The following RBFOX1 variants were observed in gnomAD, a reference collection of about 807,000 sequenced individuals.
RBFOX1 encodes RNA binding fox-1 homolog 1, also known as RNA binding protein fox-1 homolog 1.
In RBFOX1, 8 loss-of-function variants were observed where a neutral mutation model predicts 57.7. The observed-to-expected ratio is 0.14, with a 90% CI of 0.08 to 0.25. RBFOX1 has a LOEUF of 0.25. Ranked by LOEUF, RBFOX1 falls within the 10% of genes least tolerant of loss-of-function variation. The pLI is 1.00. For synonymous variants in RBFOX1, 326 were observed against 222.4 expected (o/e 1.47, Z -4.15); for missense variants, 611 against 548.5 (o/e 1.11, Z -1.14).
intron 3 of RBFOX1, among the ~76,000 whole-genome samples, chr16:5,774,028 C>T (rs9927934): frequency 0.27 from 41,690 of 152,086 alleles, 6,166 homozygotes; most frequent in East Asian, 0.55. Flanking sequence ...TGCCCATTTG[C>T]CCTCCACATA....
intron 4 of RBFOX1, among the ~76,000 whole-genome samples, chr16:7,395,515 C>G (rs2098125512): frequency 6.6e-6 from 1 of 152,148 alleles, no homozygotes; most frequent in African/African-American, 2.4e-5. Flanking sequence ...GGACGGAATA[C>G]TAAATCTCTT....
rs1003898074 is a variant in RBFOX1 at position 5,588,676 on chromosome 16, C to T, written c.259-10226C>T. 8.6e-4 allele frequency among the ~76,000 whole-genome samples: 131 copies of T among 152,046 alleles called. 1 individual carries two copies. Among genetic ancestry groups the T allele is most frequent in the African/African-American group, 2.8e-3 (116 of 41,380 alleles). Reference sequence around the variant, plus strand: ...TTGCAGACTTAGAGGGCTGGGAGGGCATTGAATTGGGAGAGGCATGAACCA... The same window carrying T: ...TTGCAGACTTAGAGGGCTGGGAGGGTATTGAATTGGGAGAGGCATGAACCA... On this transcript the variant is annotated intron_variant, in intron 2 of 2. Coordinates refer to the RBFOX1 transcript ENST00000585867.
intron 4 of RBFOX1, among the ~76,000 whole-genome samples, chr16:7,086,721 T>TACACACACACACACACACACAG (rs71280731): frequency 0.01 from 1,550 of 149,572 alleles, 29 homozygotes; most frequent in African/African-American, 0.025. Flanking sequence ...GAAGAATGTA[T>TACACACACACACACACACACAG]ACACACACAC....
At position 6,981,176 on chromosome 16, in the gene RBFOX1, T is replaced by C. The variant is rs532177778; in HGVS notation, c.-15-70881T>C. ...TTGCAGGTTTGTTGCACAGATAAGCTTGTGTGATGGGGGTTTGTGGTACAG... is the reference window on the plus strand; with the variant it reads ...TTGCAGGTTTGTTGCACAGATAAGCCTGTGTGATGGGGGTTTGTGGTACAG... On this transcript the variant is annotated intron_variant, in intron 3 of 15. Transcript: ENST00000550418. Among the ~76,000 whole-genome samples the C allele has an allele frequency of 2.6e-5, 4 of 152,122 alleles. No individual in the cohort carries two copies. The East Asian group carries it at 7.7e-4, about 29-fold the overall frequency.
At chr16:6,571,477 C>A (rs918012149) in intron 2 of RBFOX1, among the ~76,000 whole-genome samples, 1 of 152,124 alleles carries the variant, frequency 6.6e-6, no homozygotes, top group Admixed American at 6.5e-5. Context: ...TATAGATTTT[C>A]TTTCCTGATT....
At chr16:6,657,839 A>G (rs1294836210) in intron 3 of RBFOX1, among the ~76,000 whole-genome samples, 1 of 151,836 alleles carries the variant, frequency 6.6e-6, no homozygotes, top group Non-Finnish European at 1.5e-5. Flanking sequence ...ATTTTATTTT[A>G]TTTTATTTTA....
intron 1 of RBFOX1, among the ~76,000 whole-genome samples, chr16:6,298,230 C>A (rs929496413): frequency 5.9e-5 from 9 of 152,146 alleles, no homozygotes; most frequent in African/African-American, 2.2e-4. Flanking sequence ...TGTCTCATGT[C>A]CTGCGAGGGG....
intron 2 of RBFOX1, among the ~76,000 whole-genome samples, chr16:5,590,161 CT>C (rs1330397183): frequency 5.3e-5 from 8 of 151,994 alleles, no homozygotes; most frequent in East Asian, 1.9e-4. Flanking sequence ...GAGATTAATA[CT>C]TTTTTTTCCT....
At chr16:5,316,749 T>G (rs1275209329) in intron 1 of RBFOX1, among the ~76,000 whole-genome samples, 1 of 152,210 alleles carries the variant, frequency 6.6e-6, no homozygotes, top group Non-Finnish European at 1.5e-5. Context: ...TCCATCTCTC[T>G]TCTGCTGAAA....
At position 7,536,160 on chromosome 16, in the gene RBFOX1, G is replaced by C. The variant is rs544166631; in HGVS notation, c.270+17771G>C. Among the ~76,000 whole-genome samples, 6 of 152,278 alleles carry C rather than the reference G, an allele frequency of 3.9e-5. No individual in the cohort carries two copies. The East Asian group carries it at 7.7e-4, about 20-fold the overall frequency. On this transcript the variant is annotated intron_variant, in intron 5 of 15. Transcript: ENST00000550418. ...TTGAATCTGTGGATGTGGATCTCGTGGAAAGGAGAGCTGACTGTAATTACA... is the reference window on the plus strand; with the variant it reads ...TTGAATCTGTGGATGTGGATCTCGTCGAAAGGAGAGCTGACTGTAATTACA...
At chr16:6,492,758 C>T (rs564650127) in intron 2 of RBFOX1, among the ~76,000 whole-genome samples, 1 of 152,166 alleles carries the variant, frequency 6.6e-6, no homozygotes. Context: ...GTCAAGGACC[C>T]TTGTAGGAAT....
intron 3 of RBFOX1, chr16:5,611,228 TACTC>T (rs2047774888): frequency 6.6e-6 from 1 of 152,250 alleles, no homozygotes; most frequent in Non-Finnish European, 1.5e-5. Flanking sequence ...GGCAGGTTCT[TACTC>T]ACCTGTCTGG....
intron 3 of RBFOX1, among the ~76,000 whole-genome samples, chr16:7,030,253 G>A (rs1212459515): frequency 2.0e-5 from 3 of 152,076 alleles, no homozygotes; most frequent in Admixed American, 6.5e-5. Context: ...GGGATGGAGT[G>A]GAGTGCCTCT....
At chr16:7,380,565 A>G (rs2097767950) in intron 4 of RBFOX1, among the ~76,000 whole-genome samples, 1 of 152,198 alleles carries the variant, frequency 6.6e-6, no homozygotes, top group Admixed American at 6.5e-5. Context: ...AGACATTTGT[A>G]TTTAAAAAAC....
chr16:5,608,697 CT>C (rs1264618490), intron 3 of RBFOX1, among the ~76,000 whole-genome samples: 2 of 152,164 alleles, frequency 1.3e-5, no homozygotes, highest in Non-Finnish European at 2.9e-5. Flanking sequence ...GCTGCAAGCC[CT>C]GTAATAGTTG....
intron 4 of RBFOX1, among the ~76,000 whole-genome samples, chr16:7,153,745 G>A (rs1472199658): frequency 2.3e-5 from 3 of 129,918 alleles, no homozygotes; most frequent in Middle Eastern, 4.0e-3. Flanking sequence ...AAAAAAATAA[G>A]GAAAGAAAGA....
At chr16:6,499,250 G>A (rs981655579) in intron 2 of RBFOX1, among the ~76,000 whole-genome samples, 4 of 152,190 alleles carry the variant, frequency 2.6e-5, no homozygotes, top group African/African-American at 7.2e-5. Flanking sequence ...GTGATGCAAG[G>A]AATTTGAAAG....
At chr16:7,544,797 T>G (rs182953693) in intron 5 of RBFOX1, among the ~76,000 whole-genome samples, 1 of 152,276 alleles carries the variant, frequency 6.6e-6, no homozygotes, top group East Asian at 1.9e-4. Flanking sequence ...TTGTTGTTGT[T>G]GTTTTTGTTT....
chr16:5,660,510 CGTTCTTTTAG>C (rs1567361173), intron 3 of RBFOX1, among the ~76,000 whole-genome samples: 1 of 152,102 alleles, frequency 6.6e-6, no homozygotes, highest in Non-Finnish European at 1.5e-5. Context: ...GTGTGTGATG[CGTTCTTTTAG>C]GTTTATTAAA....
Sources: gnomAD v4.1 joint callset for allele counts (sites outside exome capture counted in the v4.1 genomes callset) on GRCh38, gnomAD v4.1.1 for gene constraint, MANE v1.5 for transcripts, NCBI Gene and HGNC (gene_info 2026-07-23, HGNC 2026-07-21) for gene names.